The following FGF12 variants were observed in gnomAD, a reference collection of about 807,000 sequenced individuals.
FGF12 encodes fibroblast growth factor 12B.
Under a neutral mutation model 23.6 loss-of-function variants are expected in FGF12, and 14 were observed. The ratio of observed to expected loss-of-function variants is 0.59; its 90% CI spans 0.39 to 0.93. The LOEUF is 0.93. Ranked by LOEUF, FGF12 falls within the 40% of genes least tolerant of loss-of-function variation. The pLI, the probability that FGF12 is intolerant of heterozygous loss-of-function variation, is 0.00. For missense variants in FGF12, 175 were observed against 217.8 expected (o/e 0.80, Z 1.24); for synonymous variants, 62 against 77.3 (o/e 0.80, Z 1.04).
In FGF12 at chr3:192,568,681, A is replaced by AATATCTGCCTATTGTGG. The variant is rs1389694226; in HGVS notation, c.13+158483_13+158499dup. ...TTTTGTTAATTTTTACGTTTTATTAAATATCTGCCTATTGTGGATATTTAA... is the reference window on the plus strand; with the variant it reads ...TTTTGTTAATTTTTACGTTTTATTAAATATCTGCCTATTGTGGATATCTGCCTATTGTGGATATTTAA... On this transcript the variant is annotated intron_variant, in intron 2 of 5. Transcript: ENST00000445105. 2.0e-5 allele frequency among the ~76,000 whole-genome samples: 3 copies of AATATCTGCCTATTGTGG among 152,290 alleles called. No individual in the cohort carries two copies. The East Asian group carries it at 5.8e-4, about 29-fold the overall frequency.
At chr3:192,607,381 G>A (rs1225956415) in intron 2 of FGF12, among the ~76,000 whole-genome samples, 1 of 152,178 alleles carries the variant, frequency 6.6e-6, no homozygotes, top group Non-Finnish European at 1.5e-5. Flanking sequence ...AAGGAAGAAC[G>A]AAGAATGTGG....
chr3:192,432,620 C>CAAAAAAAA (rs201364119), intron 2 of FGF12, among the ~76,000 whole-genome samples: 14 of 106,590 alleles, frequency 1.3e-4, no homozygotes, highest in South Asian at 3.2e-4. Flanking sequence ...TGACATCTGG[C>CAAAAAAAA]AAAAAAAAAA....
In FGF12 at chr3:192,408,419, T is replaced by G; in HGVS notation, c.14-47881A>C. On this transcript the variant is annotated intron_variant, in intron 2 of 5. Transcript: ENST00000445105. The surrounding 1 kb of genome is among the most constrained non-coding windows in gnomAD (Gnocchi z 7.3). Reference sequence around the variant, plus strand: ...AAGTCTGGGCAGTGGCGACAAAATGTGTGAAAATCCAGATGTAAACTTCCC... The same window carrying G: ...AAGTCTGGGCAGTGGCGACAAAATGGGTGAAAATCCAGATGTAAACTTCCC... 7.1e-7 allele frequency: 1 copy of G among 1,398,906 alleles called. No individual in the cohort carries two copies. The highest frequency in any genetic ancestry group is 9.2e-7 in the Non-Finnish European group (1 of 1,082,342). The allele number at this position is 1,398,906 out of a possible 1,614,324, so 86.7% of individuals were successfully genotyped here.
At chr3:192,502,419 G>A (rs1724158309) in intron 2 of FGF12, among the ~76,000 whole-genome samples, 1 of 152,172 alleles carries the variant, frequency 6.6e-6, no homozygotes, top group South Asian at 2.1e-4. Flanking sequence ...ATCATCCCAA[G>A]AAGAGCATGT....
intron 4 of FGF12, among the ~76,000 whole-genome samples, chr3:192,212,352 T>G (rs1717974643): frequency 6.6e-6 from 1 of 151,708 alleles, no homozygotes; most frequent in Admixed American, 6.6e-5. Context: ...GGGAAGAGAT[T>G]TCCCATAAAA....
chr3:192,399,823 T>G (rs1168278126), intron 2 of FGF12, among the ~76,000 whole-genome samples: 5 of 152,192 alleles, frequency 3.3e-5, no homozygotes, highest in African/African-American at 1.2e-4. Context: ...CATTCTTTAC[T>G]TCTAGGGAAC....
intron 4 of FGF12, among the ~76,000 whole-genome samples, chr3:192,247,258 G>A (rs1016414665): frequency 6.6e-6 from 1 of 152,118 alleles, no homozygotes; most frequent in Admixed American, 6.5e-5. Flanking sequence ...TAGTCAACAA[G>A]CAGATGCACT....
chr3:192,556,965 A>G (rs1711807686), intron 2 of FGF12, among the ~76,000 whole-genome samples: 1 of 152,068 alleles, frequency 6.6e-6, no homozygotes, highest in African/African-American at 2.4e-5. Context: ...CGAATGAGTC[A>G]AAGAAAAAGC....
chr3:192,285,238 T>C (rs192533321), intron 4 of FGF12, among the ~76,000 whole-genome samples: 23 of 152,154 alleles, frequency 1.5e-4, no homozygotes, highest in Non-Finnish European at 3.2e-4. Flanking sequence ...ATTATCTCCA[T>C]TTTACAGATG....
In FGF12 at chr3:192,408,112, G is replaced by T. The variant is rs1239358277; in HGVS notation, c.14-47574C>A. 6.2e-7 allele frequency: 1 copy of T among 1,612,934 alleles called. No individual in the cohort carries two copies. The highest frequency in any genetic ancestry group is 1.7e-5 in the Admixed American group (1 of 60,014). ...AGGACGTGCCTCTCGCACAGGGAGC[G>T]CCCGTCTTTGCTGGGGCTGGAGCGG... On this transcript the variant is annotated intron_variant, in intron 2 of 5. Transcript: ENST00000445105. The surrounding 1 kb of genome is among the most constrained non-coding windows in gnomAD (Gnocchi z 7.3).
chr3:192,656,686 A>T (rs1716440448), intron 2 of FGF12, among the ~76,000 whole-genome samples: 1 of 152,122 alleles, frequency 6.6e-6, no homozygotes, highest in Non-Finnish European at 1.5e-5. Context: ...CTACTTCAAG[A>T]TTATGGCATA....
chr3:192,293,592 C>T (rs1714877396), intron 4 of FGF12, among the ~76,000 whole-genome samples: 1 of 152,122 alleles, frequency 6.6e-6, no homozygotes, highest in African/African-American at 2.4e-5. Context: ...TGAATAAAGC[C>T]TCAGTATACT....
chr3:192,150,757 C>A (rs904213530), intron 5 of FGF12, among the ~76,000 whole-genome samples: 4 of 148,442 alleles, frequency 2.7e-5, no homozygotes, highest in Non-Finnish European at 6.0e-5. Context: ...TGTGATGCCT[C>A]CAGCTTTGCT....
At chr3:192,701,464 A>G (rs1235044872) in intron 2 of FGF12, among the ~76,000 whole-genome samples, 1 of 152,206 alleles carries the variant, frequency 6.6e-6, no homozygotes, top group Non-Finnish European at 1.5e-5. Flanking sequence ...AACTCTTTTC[A>G]TCAACAAGCA....
chr3:192,424,066 C>T (rs911474453), intron 2 of FGF12, among the ~76,000 whole-genome samples: 1 of 145,484 alleles, frequency 6.9e-6, no homozygotes, highest in Non-Finnish European at 1.5e-5. Context: ...CACGTCAGAT[C>T]AAATGAATTA....
intron 5 of FGF12, among the ~76,000 whole-genome samples, chr3:192,165,466 C>T (rs964645320): frequency 6.6e-6 from 1 of 151,470 alleles, no homozygotes; most frequent in Non-Finnish European, 1.5e-5. Context: ...GGGCTTATAA[C>T]GACTGCCACA....
chr3:192,566,022 G>A (rs967996678), intron 2 of FGF12, among the ~76,000 whole-genome samples: 1 of 152,364 alleles, frequency 6.6e-6, no homozygotes, highest in Middle Eastern at 3.4e-3. Flanking sequence ...GGAAGCAGAG[G>A]TTGCGGTGAG....
chr3:192,588,423 C>CA (rs1302838227), intron 2 of FGF12, among the ~76,000 whole-genome samples: 1 of 125,528 alleles, frequency 8.0e-6, no homozygotes, highest in Non-Finnish European at 1.7e-5. Flanking sequence ...AAAATTAAAA[C>CA]AGTAATGATG....
chr3:192,619,281 A>G (rs1334451833), intron 2 of FGF12, among the ~76,000 whole-genome samples: 1 of 152,076 alleles, frequency 6.6e-6, no homozygotes, highest in Non-Finnish European at 1.5e-5. Context: ...GTGATGTTTG[A>G]GCTGGGCCTC....
Sources: allele counts gnomAD v4.1 joint callset (sites outside exome capture counted in the v4.1 genomes callset), GRCh38; gene constraint gnomAD v4.1.1; non-coding constraint Gnocchi (gnomAD v3.1); transcripts MANE v1.5; gene names NCBI Gene and HGNC (gene_info 2026-07-23, HGNC 2026-07-21).